Variants in BMPR1B observed in about 807,000 individuals in gnomAD.
BMPR1B encodes the protein bone morphogenetic protein receptor type 1B.
Under a neutral mutation model 59.1 loss-of-function variants are expected in BMPR1B, and 12 were observed. The observed-to-expected ratio is 0.20, with a 90% confidence interval of 0.13 to 0.33. The LOEUF (loss-of-function observed/expected upper bound fraction) is 0.33. BMPR1B is among the 10% of genes least tolerant of loss of function. BMPR1B has a pLI of 1.00. For missense variants in BMPR1B, 550 were observed against 610.9 expected, an observed-to-expected ratio of 0.90 and a Z score of 1.05; for synonymous variants, 237 against 207.3, an observed-to-expected ratio of 1.14 and a Z score of -1.23.
intron 1 of BMPR1B, among the ~76,000 whole-genome samples, chr4:94,775,162 A>G (rs1722322905): frequency 6.6e-6 from 1 of 152,198 alleles, no homozygotes; most frequent in Non-Finnish European, 1.5e-5. Flanking sequence ...CCAGTTCAGT[A>G]AGGATCATGT....
intron 4 of BMPR1B, 103 bp from the exon 5 acceptor site, chr4:95,114,617 T>C: frequency 3.0e-6 from 3 of 983,818 alleles, no homozygotes; most frequent in Non-Finnish European, 4.9e-6. Context: ...AAACAAATGA[T>C]ACACATCACT....
chr4:94,992,725 T>C (rs1721829336), intron 2 of BMPR1B, among the ~76,000 whole-genome samples: 1 of 152,186 alleles, frequency 6.6e-6, no homozygotes, highest in South Asian at 2.1e-4. Flanking sequence ...AAATGCATAA[T>C]ATCATTCATC....
intron 2 of BMPR1B, among the ~76,000 whole-genome samples, chr4:94,973,717 C>G (rs950088333): frequency 1.3e-5 from 2 of 152,124 alleles, no homozygotes; most frequent in African/African-American, 4.8e-5. Context: ...GTTTCGCTGC[C>G]CTTTCTGCCT....
intron 1 of BMPR1B, among the ~76,000 whole-genome samples, chr4:94,875,508 C>T (rs1726688772): frequency 6.6e-6 from 1 of 152,166 alleles, no homozygotes; most frequent in South Asian, 2.1e-4. Flanking sequence ...CACGGTGAAA[C>T]CCCGTCTCTA....
At chr4:94,820,979 G>T (rs1724187274) in intron 1 of BMPR1B, among the ~76,000 whole-genome samples, 1 of 152,202 alleles carries the variant, frequency 6.6e-6, no homozygotes, top group African/African-American at 2.4e-5. Context: ...CTGTGACAGG[G>T]CATGCCATTG....
intron 2 of BMPR1B, among the ~76,000 whole-genome samples, chr4:94,903,882 G>C (rs1187559445): frequency 6.6e-6 from 1 of 151,992 alleles, no homozygotes; most frequent in East Asian, 1.9e-4. Flanking sequence ...CTTGATCCCA[G>C]ACTTCCAGCC....
intron 6 of BMPR1B, among the ~76,000 whole-genome samples, chr4:95,118,741 T>C (rs1225819771): frequency 6.6e-6 from 1 of 152,194 alleles, no homozygotes; most frequent in African/African-American, 2.4e-5. Context: ...AATGTTTACA[T>C]TGTTAGTGCT....
chr4:95,053,281 T>TTTGTGTGTGTGTGTGTGTGTGTGTGTGTG (rs947790944), intron 3 of BMPR1B, among the ~76,000 whole-genome samples: 1 of 134,252 alleles, frequency 7.4e-6, no homozygotes, highest in African/African-American at 2.8e-5. Flanking sequence ...TGCAGGGCAC[T>TTTGTGTGTGTGTGTGTGTGTGTGTGTGTG]TGTGTGTGTG....
chr4:94,962,330 G>C (rs1279636804), intron 2 of BMPR1B, among the ~76,000 whole-genome samples: 1 of 152,060 alleles, frequency 6.6e-6, no homozygotes, highest in Non-Finnish European at 1.5e-5. Flanking sequence ...TAGAGACAGG[G>C]TTTTGCCATG....
intron 2 of BMPR1B, among the ~76,000 whole-genome samples, chr4:94,937,046 A>G (rs1372579141): frequency 6.6e-6 from 1 of 152,104 alleles, no homozygotes; most frequent in Non-Finnish European, 1.5e-5. Context: ...CTCCAGCTTC[A>G]TTAAGTCCTT....
chr4:94,913,638 A>G (rs1397433738), intron 2 of BMPR1B, among the ~76,000 whole-genome samples: 1 of 151,202 alleles, frequency 6.6e-6, no homozygotes, highest in Admixed American at 6.6e-5. Flanking sequence ...ATTCTTACTA[A>G]TTAATTATCT....
chr4:95,145,619 A>G (rs893188825), intron 10 of BMPR1B, among the ~76,000 whole-genome samples: 4 of 152,164 alleles, frequency 2.6e-5, no homozygotes, highest in African/African-American at 9.7e-5. Context: ...CTCTGCCATT[A>G]TTTGGGAACA....
intron 1 of BMPR1B, among the ~76,000 whole-genome samples, chr4:94,865,734 C>G (rs930509566): frequency 6.6e-6 from 1 of 152,176 alleles, no homozygotes; most frequent in Non-Finnish European, 1.5e-5. Context: ...CCCATTGCCT[C>G]TGGGTGAAAT....
At chr4:94,903,894 C>T (rs1727929058) in intron 2 of BMPR1B, among the ~76,000 whole-genome samples, 1 of 151,956 alleles carries the variant, frequency 6.6e-6, no homozygotes, top group Non-Finnish European at 1.5e-5. Flanking sequence ...CTTCCAGCCT[C>T]CAGAATAGTG....
intron 2 of BMPR1B, among the ~76,000 whole-genome samples, chr4:94,902,675 A>C (rs1727878386): frequency 6.6e-6 from 1 of 151,978 alleles, no homozygotes; most frequent in Admixed American, 6.6e-5. Flanking sequence ...TTAATCTTTG[A>C]GTTATTGCTT....
intron 2 of BMPR1B, among the ~76,000 whole-genome samples, chr4:94,928,405 C>G (rs959351089): frequency 6.6e-6 from 1 of 151,986 alleles, no homozygotes; most frequent in Non-Finnish European, 1.5e-5. Context: ...AAGGTGTAGG[C>G]AGAAACTGGT....
chr4:95,023,501 C>A (rs1419611504), intron 3 of BMPR1B, among the ~76,000 whole-genome samples: 1 of 152,102 alleles, frequency 6.6e-6, no homozygotes, highest in Non-Finnish European at 1.5e-5. Flanking sequence ...TCTGTCTCGG[C>A]ATCCCAAATA....
chr4:95,152,579 G>A (rs1351499421), intron 11 of BMPR1B, 64 bp from the exon 12 acceptor site: 1 of 1,410,530 alleles, frequency 7.1e-7, no homozygotes, highest in Non-Finnish European at 9.6e-7. Flanking sequence ...AACTGTGTTA[G>A]ACTTTTATTT....
At chr4:95,000,709 C>T (rs1023563286) in intron 3 of BMPR1B, among the ~76,000 whole-genome samples, 1 of 151,828 alleles carries the variant, frequency 6.6e-6, no homozygotes, top group Non-Finnish European at 1.5e-5. Flanking sequence ...GAGGGAAACC[C>T]AAGCTTGCCT....
Sources: allele counts gnomAD v4.1 joint callset (sites outside exome capture counted in the v4.1 genomes callset), GRCh38; gene constraint gnomAD v4.1.1; transcripts MANE v1.5; gene names NCBI Gene and HGNC (gene_info 2026-07-23, HGNC 2026-07-21).